Variants in GFI1B observed in about 807,000 individuals in gnomAD.
GFI1B encodes zinc finger protein Gfi-1b.
In GFI1B, 20 loss-of-function variants were observed where a neutral mutation model predicts 35.3. The ratio of observed to expected loss-of-function variants is 0.57; its 90% confidence interval spans 0.40 to 0.82. The LOEUF (loss-of-function observed/expected upper bound fraction) is 0.82. Among genes scored for constraint, GFI1B ranks in the 40% least tolerant of loss-of-function variants. GFI1B has a pLI of 0.00. For missense variants in GFI1B, 430 were observed against 446.3 expected (o/e 0.96, Z 0.33); for synonymous variants, 178 against 177.6 (o/e 1.00, Z -0.02).
Position 132,987,371 on chromosome 9 carries a change from C to A in GFI1B, c.190C>A (p.Pro64Thr). The A allele has an allele frequency of 6.2e-7, 1 of 1,614,252 alleles. No individual in the cohort carries two copies. Among genetic ancestry groups the A allele is most frequent in the Non-Finnish European group, 8.5e-7 (1 of 1,180,042 alleles). Reference protein sequence around the residue: ...CLDWTNLKREPELEQDQNLAR... With the variant: ...CLDWTNLKRETELEQDQNLAR... ...GGACTGGACCAACCTCAAACGAGAG[C>A]CGGAGCTGGAGCAGGACCAGAACTT... is the stretch of plus-strand genomic sequence containing the variant. The change falls in exon 3 of 7, where the codon CCG (proline) becomes ACG (threonine). Residue 64 changes from proline to threonine, a missense_variant. By Grantham distance (38) the Pro-to-Thr change is conservative. Coordinates refer to ENST00000372122, the MANE Select transcript of GFI1B (RefSeq NM_001377304.1).
intron 1 of GFI1B, among the ~76,000 whole-genome samples, chr9:132,948,154 G>A (rs935112548): frequency 1.3e-5 from 2 of 152,052 alleles, no homozygotes; most frequent in African/African-American, 4.8e-5. Context: ...TGTGACTTGA[G>A]CTGGACTAGA....
chr9:132,954,110 G>T (rs547113693), intron 1 of GFI1B, among the ~76,000 whole-genome samples: 8 of 152,048 alleles, frequency 5.3e-5, no homozygotes, highest in Middle Eastern at 3.4e-3. Context: ...TCAATTTTTT[G>T]TGTGTGTATT....
At chr9:132,959,820 C>T (rs1173623081) in intron 1 of GFI1B, among the ~76,000 whole-genome samples, 1 of 152,228 alleles carries the variant, frequency 6.6e-6, no homozygotes, top group African/African-American at 2.4e-5. Context: ...CCTCCATCTT[C>T]ATGCAGGCTT....
At chr9:132,987,073 C>A (rs560197227) in intron 2 of GFI1B, among the ~76,000 whole-genome samples, 1 of 152,356 alleles carries the variant, frequency 6.6e-6, no homozygotes, top group Non-Finnish European at 1.5e-5. Flanking sequence ...GAAAAACAGA[C>A]TGGTCCAAAG....
chr9:132,962,926 A>AC (rs1024267008), intron 1 of GFI1B, among the ~76,000 whole-genome samples: 12 of 148,728 alleles, frequency 8.1e-5, no homozygotes, highest in Middle Eastern at 7.2e-3. Flanking sequence ...CAAAAAAAAA[A>AC]AAAAAAATAG....
chr9:132,966,666 C>G (rs576813049), intron 1 of GFI1B, among the ~76,000 whole-genome samples: 105 of 152,318 alleles, frequency 6.9e-4, no homozygotes, highest in African/African-American at 2.5e-3. Flanking sequence ...AGGATGTTTG[C>G]TTGGCGACAA....
intron 1 of GFI1B, chr9:132,949,651 G>T (rs1456301488): frequency 6.6e-6 from 1 of 152,402 alleles, no homozygotes; most frequent in South Asian, 2.1e-4. Context: ...AGCCATGGCC[G>T]TCAGCACCAC....
intron 1 of GFI1B, among the ~76,000 whole-genome samples, chr9:132,954,755 G>C (rs1848258308): frequency 6.6e-6 from 1 of 150,700 alleles, no homozygotes; most frequent in South Asian, 2.1e-4. Context: ...GTCTCACTCT[G>C]TTGCCCAGGC....
intron 1 of GFI1B, among the ~76,000 whole-genome samples, chr9:132,972,293 G>A (rs1037785591): frequency 6.6e-6 from 1 of 151,896 alleles, no homozygotes; most frequent in African/African-American, 2.4e-5. Flanking sequence ...GTGGTGGCGG[G>A]CGCCTGTAAT....
intron 1 of GFI1B, among the ~76,000 whole-genome samples, chr9:132,958,408 G>A (rs1848315367): frequency 6.6e-6 from 1 of 152,186 alleles, no homozygotes; most frequent in African/African-American, 2.4e-5. Context: ...AAGGCTTCAG[G>A]AAGCTTCCAA....
intron 1 of GFI1B, among the ~76,000 whole-genome samples, chr9:132,984,621 C>G (rs1848965408): frequency 2.0e-5 from 3 of 152,174 alleles, no homozygotes; most frequent in African/African-American, 4.8e-5. Flanking sequence ...ACATGCTGAG[C>G]ACCTCTCACA....
At chr9:132,961,208 T>C (rs1848356211) in intron 1 of GFI1B, among the ~76,000 whole-genome samples, 1 of 151,906 alleles carries the variant, frequency 6.6e-6, no homozygotes, top group South Asian at 2.1e-4. Flanking sequence ...TCAGAAACAA[T>C]AGAAGACCGA....
At chr9:132,982,584 C>A (rs1348790542) in intron 1 of GFI1B, among the ~76,000 whole-genome samples, 1 of 152,198 alleles carries the variant, frequency 6.6e-6, no homozygotes, top group African/African-American at 2.4e-5. Context: ...ATGAAGAATT[C>A]CTGAGCTTCT....
At chr9:132,984,089 G>A (rs993292960) in intron 1 of GFI1B, among the ~76,000 whole-genome samples, 5 of 152,238 alleles carry the variant, frequency 3.3e-5, no homozygotes, top group African/African-American at 1.2e-4. Flanking sequence ...AGTACCTTTG[G>A]TTCTAGTTGA....
chr9:132,980,185 C>A (rs686652), intron 1 of GFI1B, among the ~76,000 whole-genome samples: 3 of 151,716 alleles, frequency 2.0e-5, no homozygotes, highest in African/African-American at 7.3e-5. Flanking sequence ...TCAAAACCAG[C>A]GCAGACCATT....
rs150475922 is a variant in GFI1B, at chr9:132,989,399, G to A, written c.648+201G>A. On this transcript the variant is annotated intron_variant, in intron 5 of 6. Coordinates refer to ENST00000372122, the MANE Select transcript of GFI1B (RefSeq NM_001377304.1). This position sits in a 1 kb window ranked among gnomAD's most constrained non-coding sequence, Gnocchi z 6.2. ...ACTTCAGACTCTTAACTAAACCACC[G>A]TGCAGACCACAACCATCCCTGCCTC... Among the ~76,000 whole-genome samples the A allele has an allele frequency of 2.1e-3, 326 of 152,214 alleles. 2 individuals are homozygous for A. The highest frequency in any genetic ancestry group is 7.3e-3 in the African/African-American group (305 of 41,530).
chr9:132,991,146 G>T lies in GFI1B; in HGVS notation c.*96G>T. 8.7e-7 allele frequency: 1 copy of T among 1,143,834 alleles called. No homozygotes were observed. Among genetic ancestry groups the T allele is most frequent in the East Asian group, 2.4e-5 (1 of 41,026 alleles). The allele number at this position is 1,143,834 out of a possible 1,614,324, so 70.9% of individuals were successfully genotyped here. ...CCCAAATCTCCAGTCTCCTGGAGGT[G>T]GGACTGGACAGGAGTCTACCAGCTT... On this transcript the variant is annotated 3_prime_UTR_variant, in exon 7 of 7. Coordinates refer to ENST00000372122, the MANE Select transcript of GFI1B (RefSeq NM_001377304.1).
rs535193556 is a variant in GFI1B, at chr9:132,973,243, C to T, written c.-679+497C>T. ...GCCGATGCCTGGGAGTGTCGTAGCC[C>T]CGGTGCCACCCGGCACAGAACATTC... On this transcript the variant is annotated intron_variant, in intron 2 of 10. Transcript: ENST00000339463. 2.0e-5 allele frequency among the ~76,000 whole-genome samples: 3 copies of T among 152,212 alleles called. No homozygotes were observed. In the South Asian group the frequency reaches 6.2e-4, roughly 32 times the overall value.
intron 1 of GFI1B, among the ~76,000 whole-genome samples, chr9:132,970,190 C>T (rs1848511946): frequency 6.6e-6 from 1 of 152,116 alleles, no homozygotes; most frequent in Non-Finnish European, 1.5e-5. Flanking sequence ...CTTATATGTT[C>T]CTTTGAGGTT....
Sources: gnomAD v4.1 joint callset for allele counts (sites outside exome capture counted in the v4.1 genomes callset) on GRCh38, gnomAD v4.1.1 for gene constraint, Gnocchi (gnomAD v3.1) non-coding constraint, MANE v1.5 for transcripts, NCBI Gene and HGNC (gene_info 2026-07-23, HGNC 2026-07-21) for gene names.